JARID2: variants seen among roughly 807,000 people sequenced by gnomAD.
JARID2 encodes jumonji and AT-rich interaction domain containing 2.
JARID2 carries 21 observed loss-of-function variants against 125.6 expected under a neutral mutation model. The ratio of observed to expected loss-of-function variants is 0.17; its 90% CI spans 0.12 to 0.24. JARID2 has a LOEUF of 0.24. JARID2 is among the 10% of genes least tolerant of loss of function. JARID2 has a pLI of 1.00. For missense variants in JARID2, 1,303 were observed against 1,639.6 expected (o/e 0.79, Z 3.55); for synonymous variants, 736 against 661.6 (o/e 1.11, Z -1.73).
At chr6:15,443,800 C>T (rs1196032219) in intron 3 of JARID2, among the ~76,000 whole-genome samples, 1 of 151,874 alleles carries the variant, frequency 6.6e-6, no homozygotes, top group African/African-American at 2.4e-5. Context: ...AAAAAACCAC[C>T]TAAGAAAAAA....
rs558697794 is a variant in JARID2, at chr6:15,265,186, G to A, written c.45+18602G>A. On this transcript the variant is annotated intron_variant, in intron 1 of 17. Coordinates refer to ENST00000341776, the MANE Select transcript of JARID2 (RefSeq NM_004973.4). The stretch of plus-strand genomic sequence containing the variant: ...CATCGTCTGCCCTTTAAAAGCACAA[G>A]ACTAAGGAATGAGACCAGTTGGTTG... Among the ~76,000 whole-genome samples the A allele has an allele frequency of 1.2e-4, 19 of 152,198 alleles. No homozygotes were observed. The South Asian group carries it at 3.7e-3, about 30-fold the overall frequency.
intron 3 of JARID2, among the ~76,000 whole-genome samples, chr6:15,413,002 G>GGTTTTTTTTTTTTTTTTTTTT (rs1765951845): frequency 2.1e-5 from 1 of 46,532 alleles, no homozygotes; most frequent in African/African-American, 9.3e-5. Context: ...AAGAGCTTGT[G>GGTTTTTTTTTTTTTTTTTTTT]TTTTTGTTTT....
At chr6:15,483,138 C>A (rs187211986) in intron 5 of JARID2, among the ~76,000 whole-genome samples, 1 of 152,066 alleles carries the variant, frequency 6.6e-6, no homozygotes, top group Non-Finnish European at 1.5e-5. Context: ...TAACTAAGTC[C>A]GAAGAACTAT....
chr6:15,283,263 C>A (rs979090505), intron 1 of JARID2, among the ~76,000 whole-genome samples: 1 of 150,312 alleles, frequency 6.7e-6, no homozygotes, highest in African/African-American at 2.5e-5. Context: ...CAGGTGTGAG[C>A]CACTGCGCCC....
intron 9 of JARID2, 121 bp downstream of exon 9, chr6:15,504,713 T>C (rs1770911642): frequency 1.5e-6 from 1 of 676,048 alleles, no homozygotes; most frequent in African/African-American, 1.8e-5. Context: ...CAGATGGGGC[T>C]GAGTTCGTCC....
intron 5 of JARID2, among the ~76,000 whole-genome samples, chr6:15,483,294 T>G (rs2127710157): frequency 6.6e-6 from 1 of 152,314 alleles, no homozygotes; most frequent in Admixed American, 6.5e-5. Flanking sequence ...TAATAGCATC[T>G]TGTCACACAA....
intron 2 of JARID2, among the ~76,000 whole-genome samples, chr6:15,396,696 G>C (rs992730469): frequency 6.6e-6 from 1 of 152,180 alleles, no homozygotes; most frequent in African/African-American, 2.4e-5. Context: ...CAATTTAAAA[G>C]TTATGAATTG....
chr6:15,509,473 T>G, intron 12 of JARID2: 1 of 428,458 alleles, frequency 2.3e-6, no homozygotes, highest in Non-Finnish European at 3.1e-6. Flanking sequence ...CCTTCCCACA[T>G]GGGTCTGTGT....
intron 1 of JARID2, among the ~76,000 whole-genome samples, chr6:15,308,937 A>G (rs1761923793): frequency 6.6e-6 from 1 of 152,222 alleles, no homozygotes; most frequent in Non-Finnish European, 1.5e-5. Flanking sequence ...AGTCCCCTGC[A>G]GGGTGGAAAT....
intron 3 of JARID2, among the ~76,000 whole-genome samples, chr6:15,440,683 C>A (rs978808434): frequency 2.0e-5 from 3 of 152,140 alleles, no homozygotes; most frequent in African/African-American, 7.2e-5. Context: ...TTACTACAGC[C>A]AGTGACATAG....
At chr6:15,275,542 C>CCCG (rs1554118169) in intron 1 of JARID2, among the ~76,000 whole-genome samples, 6 of 107,428 alleles carry the variant, frequency 5.6e-5, no homozygotes, top group Non-Finnish European at 1.0e-4. Context: ...CGCCCCCCCC[C>CCCG]CCGTCTTTTG....
At chr6:15,400,494 C>T (rs927690259) in intron 2 of JARID2, among the ~76,000 whole-genome samples, 2 of 143,466 alleles carry the variant, frequency 1.4e-5, no homozygotes, top group African/African-American at 5.2e-5. Flanking sequence ...GTGTGCTTGG[C>T]AATGGGGTGG....
At chr6:15,258,284 A>T (rs765112705) in intron 1 of JARID2, among the ~76,000 whole-genome samples, 1 of 152,282 alleles carries the variant, frequency 6.6e-6, no homozygotes, top group Non-Finnish European at 1.5e-5. Flanking sequence ...GGCAGCAGGG[A>T]TGTGAAACAA....
chr6:15,330,122 T>C (rs1762658909), intron 1 of JARID2, among the ~76,000 whole-genome samples: 1 of 152,242 alleles, frequency 6.6e-6, no homozygotes, highest in Non-Finnish European at 1.5e-5. Flanking sequence ...TTCTTTCCTT[T>C]CCTCTTTGAT....
intron 1 of JARID2, among the ~76,000 whole-genome samples, chr6:15,287,173 C>A (rs979852208): frequency 6.6e-6 from 1 of 151,978 alleles, no homozygotes; most frequent in African/African-American, 2.4e-5. Flanking sequence ...AAAAACCCCT[C>A]TTGATCCTTT....
At chr6:15,464,832 A>G (rs138491992) in intron 4 of JARID2, among the ~76,000 whole-genome samples, 11 of 152,280 alleles carry the variant, frequency 7.2e-5, no homozygotes, top group South Asian at 2.1e-4. Flanking sequence ...AATTACCTGA[A>G]TAGAAGCAGA....
intron 4 of JARID2, among the ~76,000 whole-genome samples, chr6:15,465,335 C>T (rs760979382): frequency 7.2e-5 from 11 of 152,120 alleles, no homozygotes; most frequent in Non-Finnish European, 1.3e-4. Flanking sequence ...CACCTGTAGT[C>T]CCAGCTACAG....
At chr6:15,268,373 C>T (rs922829506) in intron 1 of JARID2, among the ~76,000 whole-genome samples, 2 of 152,222 alleles carry the variant, frequency 1.3e-5, no homozygotes, top group South Asian at 4.1e-4. Context: ...GCCAGGACTT[C>T]ATTTAGTCAG....
intron 6 of JARID2, among the ~76,000 whole-genome samples, chr6:15,494,413 C>CTTTTTTT (rs60218567): frequency 0.29 from 22,812 of 79,602 alleles, 5,893 homozygotes; most frequent in Non-Finnish European, 0.34. Flanking sequence ...TTTGGCAAGT[C>CTTTTTTT]TTTTTTTTTT....
Sources: allele counts gnomAD v4.1 joint callset (sites outside exome capture counted in the v4.1 genomes callset), GRCh38; gene constraint gnomAD v4.1.1; transcripts MANE v1.5; gene names NCBI Gene and HGNC (gene_info 2026-07-23, HGNC 2026-07-21).